The following ELN variants were observed in gnomAD, a reference collection of about 807,000 sequenced individuals.
ELN encodes the protein tropoelastin.
ELN carries 65 observed loss-of-function variants against 105.8 expected under a neutral mutation model. That is an observed-to-expected ratio of 0.61 (90% CI 0.50 to 0.75). The LOEUF (loss-of-function observed/expected upper bound fraction) is 0.75, where lower values mean the gene tolerates loss of function less well. Among genes scored for constraint, ELN ranks in the 30% least tolerant of loss-of-function variants. The probability of loss-of-function intolerance (pLI) is 0.00; values close to 1 mark genes in which losing one functional copy is unlikely to be tolerated. For missense variants in ELN, 882 were observed against 969.4 expected, an observed-to-expected ratio of 0.91 and a Z score of 1.20; for synonymous variants, 368 against 389.2, an observed-to-expected ratio of 0.95 and a Z score of 0.64.
intron 15 of ELN, among the ~76,000 whole-genome samples, chr7:74,050,380 TC>T (rs1554675353): frequency 6.6e-6 from 1 of 151,294 alleles, no homozygotes; most frequent in African/African-American, 2.4e-5. Context: ...CATTTACCCA[TC>T]CATCCACTCG....
At chr7:74,061,160 C>T (rs782224522) in intron 26 of ELN, 21 bp downstream of exon 26, 3 of 1,613,980 alleles carry the variant, frequency 1.9e-6, no homozygotes, top group African/African-American at 1.3e-5. Context: ...CCCACAACCA[C>T]TTGTGGCTCC....
chr7:74,061,066 C>T, intron 25 of ELN, 35 bp from the exon 26 acceptor site: 5 of 1,614,034 alleles, frequency 3.1e-6, no homozygotes, highest in Non-Finnish European at 4.2e-6. Context: ...CAGAGCTCGG[C>T]TCCTGACCAC....
chr7:74,042,802 C>T (rs1584539006), intron 6 of ELN, 96 bp downstream of exon 6: 11 of 1,541,776 alleles, frequency 7.1e-6, no homozygotes, highest in East Asian at 2.3e-5. Context: ...GCTTGGGAGC[C>T]GGGTGGGTGG....
At chr7:74,050,497 C>T (rs573371673) in intron 15 of ELN, among the ~76,000 whole-genome samples, 1 of 151,800 alleles carries the variant, frequency 6.6e-6, no homozygotes, top group African/African-American at 2.4e-5. Context: ...TTCCGTGCAT[C>T]CCTCCATCCA....
chr7:74,045,150 G>A (rs1229960562), intron 9 of ELN, 72 bp from the exon 10 acceptor site: 3 of 1,580,410 alleles, frequency 1.9e-6, no homozygotes, highest in African/African-American at 1.3e-5. Flanking sequence ...TGGGGGACCC[G>A]AGGAGGGGAG....
Position 74,068,686 on chromosome 7 carries a change from C to A in ELN, c.2161C>A (p.Arg721=), listed in dbSNP as rs28763987. The change falls in exon 33 of 33, where the codon CGG becomes AGG. Residue 721 remains arginine, a synonymous_variant. Coordinates refer to ENST00000252034, the MANE Select transcript of ELN (RefSeq NM_000501.4). ...GGCCTGCCTGGGGAAAGCTTGTGGC[C>A]GGAAGAGAAAATGAGCTTCCTAGGA... ...GGACLGKACG[R]KRK The A allele has an allele frequency of 7.4e-6, 12 of 1,613,950 alleles. No individual in the cohort carries two copies. The African/African-American group carries it at 1.2e-4, about 16-fold the overall frequency.
At chr7:74,040,471 G>T (rs1279324861) in intron 4 of ELN, among the ~76,000 whole-genome samples, 1 of 152,226 alleles carries the variant, frequency 6.6e-6, no homozygotes, top group African/African-American at 2.4e-5. Flanking sequence ...GGGAAAGCCA[G>T]GGGGGACCTC....
chr7:74,029,472 G>A (rs538465096), intron 1 of ELN, among the ~76,000 whole-genome samples: 108 of 152,180 alleles, frequency 7.1e-4, no homozygotes, highest in Admixed American at 1.2e-3. Flanking sequence ...TGGTAGGGGG[G>A]TCTGGGTGGA....
intron 14 of ELN, 81 bp from the exon 15 acceptor site, chr7:74,048,422 C>G (rs201224249): frequency 1.1e-5 from 18 of 1,606,216 alleles, no homozygotes; most frequent in East Asian, 2.2e-5. Context: ...TGGATTGGCT[C>G]TCTTGGGGCT....
chr7:74,059,566 C>T (rs1343535059), intron 22 of ELN: 2 of 480,966 alleles, frequency 4.2e-6, no homozygotes, highest in Admixed American at 6.7e-5. Context: ...CACCTGTAGT[C>T]CCAGCTACTC....
intron 19 of ELN, 98 bp downstream of exon 19, chr7:74,054,867 T>C: frequency 7.2e-7 from 1 of 1,380,546 alleles, no homozygotes; most frequent in African/African-American, 1.4e-5. Flanking sequence ...GGGAAGTGAC[T>C]TGCCCAAGGT....
At chr7:74,056,842 C>T (rs550337548) in intron 21 of ELN, 129 bp downstream of exon 21, 4 of 1,180,206 alleles carry the variant, frequency 3.4e-6, no homozygotes, top group Non-Finnish European at 4.9e-6. Context: ...GAGGCCCCTG[C>T]CCCATCTTCC....
At chr7:74,066,869 GC>G in intron 32 of ELN, 93 bp downstream of exon 32, 2 of 1,425,834 alleles carry the variant, frequency 1.4e-6, no homozygotes, top group Non-Finnish European at 2.0e-6. Flanking sequence ...GAAGGGCTGA[GC>G]CAGCACCCAG....
rs782083152 is a variant in ELN at position 74,063,656 on chromosome 7, G to A, written c.1954G>A (p.Val652Ile). 1.2e-6 allele frequency: 2 copies of A among 1,613,830 alleles called. No individual in the cohort carries two copies. Among genetic ancestry groups the A allele is most frequent in the Admixed American group, 1.7e-5 (1 of 59,944 alleles). The part of the protein sequence containing the change: ...VGAAGLGGLG[V>I]GGLGVPGVGG... The stretch of plus-strand genomic sequence containing the variant: ...AGCCGCTGGGCTCGGAGGACTCGGA[G>A]TCGGAGGGCTTGGAGTTCCAGGTGT... Residue 652 changes from valine to isoleucine, a missense_variant, in exon 29 of 33, where the codon GTC becomes ATC. Coordinates refer to ENST00000252034, the MANE Select transcript of ELN (RefSeq NM_000501.4). The surrounding 1 kb of genome is among the most constrained non-coding windows in gnomAD (Gnocchi z 4.1).
chr7:74,060,266 G>A (rs1327292314), intron 24 of ELN, 82 bp downstream of exon 24: 2 of 1,613,640 alleles, frequency 1.2e-6, no homozygotes, highest in African/African-American at 1.3e-5. Flanking sequence ...GGAGGCCGCT[G>A]CTTGGATCTG....
Position 74,048,161 on chromosome 7 carries a change from G to A in ELN, c.705G>A (p.Val235=), listed in dbSNP as rs782743840. The A allele has an allele frequency of 1.9e-6, 3 of 1,614,028 alleles. No individual in the cohort carries two copies. The highest frequency in any genetic ancestry group is 1.7e-6 in the Non-Finnish European group (2 of 1,179,970). ...KLPYGYGPGG[V]AGAAGKAGYP... is the part of the protein sequence containing the mutation. ...TTGCAGGCTATGGGCCCGGAGGAGT[G>A]GCTGGTGCAGCGGGCAAGGCTGGTT... is the stretch of plus-strand genomic sequence containing the variant. The change falls in exon 14 of 33, where the codon GTG becomes GTA. Residue 235 remains valine, a synonymous_variant. Coordinates refer to ENST00000252034, the MANE Select transcript of ELN (RefSeq NM_000501.4).
intron 17 of ELN, chr7:74,052,903 A>G (rs971925571): frequency 1.6e-4 from 89 of 541,184 alleles, no homozygotes; most frequent in Non-Finnish European, 2.8e-4. Context: ...GAAAGAAAGA[A>G]AGAGAAAGGA....
At chr7:74,057,250 A>G in intron 21 of ELN, 1 of 779,736 alleles carries the variant, frequency 1.3e-6, no homozygotes, top group Admixed American at 3.6e-5. Flanking sequence ...AAAATAAAAA[A>G]AAAAGAAAAA....
chr7:74,028,308 G>C, intron 1 of ELN, 39 bp downstream of exon 1: 1 of 1,588,606 alleles, frequency 6.3e-7, no homozygotes, highest in South Asian at 1.1e-5. Context: ...GCTGCCCACA[G>C]CTGCGGGCCC....
Sources: gnomAD v4.1 joint callset for allele counts (sites outside exome capture counted in the v4.1 genomes callset) on GRCh38, gnomAD v4.1.1 for gene constraint, Gnocchi (gnomAD v3.1) non-coding constraint, MANE v1.5 for transcripts, NCBI Gene and HGNC (gene_info 2026-07-23, HGNC 2026-07-21) for gene names.